Variants in GPBP1 observed in about 807,000 individuals in gnomAD.
The protein encoded by GPBP1 is vasculin.
In GPBP1, 13 loss-of-function variants were observed where a neutral mutation model predicts 56.5. The ratio of observed to expected loss-of-function variants is 0.23; its 90% CI spans 0.15 to 0.37. The LOEUF (loss-of-function observed/expected upper bound fraction) is 0.37, where lower values mean the gene tolerates loss of function less well. GPBP1 is among the 10% of genes least tolerant of loss of function. The pLI, the probability that GPBP1 is intolerant of heterozygous loss-of-function variation, is 1.00. For synonymous variants in GPBP1, 204 were observed against 188.9 expected (o/e 1.08, Z -0.66); for missense variants, 477 against 572.3 (o/e 0.83, Z 1.70).
chr5:57,237,733 A>G (rs1274568484), intron 6 of GPBP1, among the ~76,000 whole-genome samples: 1 of 152,144 alleles, frequency 6.6e-6, no homozygotes, highest in African/African-American at 2.4e-5. Flanking sequence ...AACATTTAAA[A>G]TAGCTATGTT....
At chr5:57,212,080 G>A (rs769869388) in intron 2 of GPBP1, among the ~76,000 whole-genome samples, 1 of 151,858 alleles carries the variant, frequency 6.6e-6, no homozygotes, top group Non-Finnish European at 1.5e-5. Context: ...GGGATTACAG[G>A]TGCCCACCAC....
chr5:57,196,578 A>G (rs961860603), intron 2 of GPBP1, among the ~76,000 whole-genome samples: 2 of 152,096 alleles, frequency 1.3e-5, no homozygotes, highest in African/African-American at 4.8e-5. Flanking sequence ...TAAAATTGTC[A>G]TCATCTATTT....
intron 2 of GPBP1, among the ~76,000 whole-genome samples, chr5:57,179,585 C>CT (rs970996294): frequency 3.9e-5 from 6 of 152,054 alleles, no homozygotes; most frequent in South Asian, 2.1e-4. Context: ...TTTACCTTGT[C>CT]TTTTTTTTGT....
At chr5:57,193,634 A>C (rs962398394) in intron 2 of GPBP1, among the ~76,000 whole-genome samples, 5 of 151,456 alleles carry the variant, frequency 3.3e-5, no homozygotes, top group African/African-American at 9.7e-5. Flanking sequence ...AAAAAAAAAA[A>C]AACTATGAAA....
At chr5:57,183,671 TGTA>T (rs1288513726) in intron 2 of GPBP1, among the ~76,000 whole-genome samples, 2 of 152,062 alleles carry the variant, frequency 1.3e-5, no homozygotes, top group African/African-American at 4.8e-5. Flanking sequence ...ACGATGAAAG[TGTA>T]GTATAAGGGA....
At chr5:57,208,435 G>T (rs1009348111) in intron 2 of GPBP1, among the ~76,000 whole-genome samples, 2 of 151,952 alleles carry the variant, frequency 1.3e-5, no homozygotes, top group Non-Finnish European at 2.9e-5. Flanking sequence ...GGTTCACCAT[G>T]TTGCCCAGGC....
chr5:57,248,519 C>T (rs1741207343), intron 8 of GPBP1, among the ~76,000 whole-genome samples: 1 of 149,024 alleles, frequency 6.7e-6, no homozygotes, highest in African/African-American at 2.5e-5. Flanking sequence ...GCTCCGCCTC[C>T]CGGGTTCACG....
At chr5:57,175,119 T>C (rs1425584665) in intron 1 of GPBP1, among the ~76,000 whole-genome samples, 1 of 152,252 alleles carries the variant, frequency 6.6e-6, no homozygotes, top group Non-Finnish European at 1.5e-5. Flanking sequence ...TATGTGTCAA[T>C]TTCATAGTTT....
intron 11 of GPBP1, 143 bp downstream of exon 11, chr5:57,261,425 A>C (rs769241802): frequency 2.1e-5 from 12 of 575,830 alleles, no homozygotes; most frequent in Non-Finnish European, 3.1e-5. Flanking sequence ...AAGAGGGAGG[A>C]CAGGCTTTTG....
chr5:57,175,302 G>A, intron 1 of GPBP1, 146 bp from the exon 2 acceptor site: 1 of 380,738 alleles, frequency 2.6e-6, no homozygotes, highest in Non-Finnish European at 4.6e-6. Context: ...TCGGGTGCTT[G>A]CTTGGGTAAA....
intron 6 of GPBP1, chr5:57,237,541 T>C (rs1258528236): frequency 5.3e-6 from 1 of 187,944 alleles, no homozygotes; most frequent in East Asian, 1.2e-4. Flanking sequence ...CTTTACTGTG[T>C]TTAGGTAAAC....
intron 11 of GPBP1, among the ~76,000 whole-genome samples, chr5:57,261,540 G>A (rs972602461): frequency 1.4e-4 from 21 of 152,146 alleles, no homozygotes; most frequent in African/African-American, 4.6e-4. Context: ...GCACCTGGTT[G>A]AATTGACTTT....
chr5:57,257,408 C>G (rs1741713859), intron 10 of GPBP1, among the ~76,000 whole-genome samples: 1 of 152,106 alleles, frequency 6.6e-6, no homozygotes, highest in Non-Finnish European at 1.5e-5. Context: ...GCACATAGAT[C>G]ATTCTTAGTT....
At chr5:57,229,272 T>C (rs1234827989) in intron 3 of GPBP1, among the ~76,000 whole-genome samples, 3 of 115,208 alleles carry the variant, frequency 2.6e-5, no homozygotes, top group African/African-American at 1.1e-4. Flanking sequence ...AAAAAAGGAG[T>C]TGTCTGTCTT....
chr5:57,259,872 C>A (rs1741813975), intron 10 of GPBP1, among the ~76,000 whole-genome samples: 1 of 152,132 alleles, frequency 6.6e-6, no homozygotes, highest in South Asian at 2.1e-4. Flanking sequence ...TGTTACTGTT[C>A]TTTATCCCTT....
chr5:57,205,261 G>T (rs529862623), intron 2 of GPBP1, among the ~76,000 whole-genome samples: 17 of 152,296 alleles, frequency 1.1e-4, no homozygotes, highest in African/African-American at 3.8e-4. Context: ...GCATGTGTTA[G>T]TAATTCATTC....
chr5:57,178,901 A>G (rs1753915110), intron 2 of GPBP1, among the ~76,000 whole-genome samples: 2 of 152,188 alleles, frequency 1.3e-5, no homozygotes, highest in African/African-American at 4.8e-5. Flanking sequence ...TCTAAAAATA[A>G]TAATCATAGT....
At chr5:57,188,855 G>C (rs1754401352) in intron 2 of GPBP1, among the ~76,000 whole-genome samples, 1 of 152,102 alleles carries the variant, frequency 6.6e-6, no homozygotes, top group South Asian at 2.1e-4. Context: ...TAAAACACGT[G>C]GGAATCATCT....
At chr5:57,212,982 C>T (rs1755554996) in intron 2 of GPBP1, among the ~76,000 whole-genome samples, 1 of 152,082 alleles carries the variant, frequency 6.6e-6, no homozygotes, top group Non-Finnish European at 1.5e-5. Flanking sequence ...ATGCCGGGAC[C>T]ATTCCCTGGT....
Sources: allele counts gnomAD v4.1 joint callset (sites outside exome capture counted in the v4.1 genomes callset), GRCh38; gene constraint gnomAD v4.1.1; transcripts MANE v1.5; gene names NCBI Gene and HGNC (gene_info 2026-07-23, HGNC 2026-07-21).